The following USH2A variants were observed in gnomAD, a reference collection of about 807,000 sequenced individuals.
The protein encoded by USH2A is usherin.
A neutral mutation model predicts 538.9 loss-of-function variants in USH2A; 443 were observed. The observed-to-expected ratio is 0.82, with a 90% CI of 0.76 to 0.89. USH2A has a LOEUF of 0.89. Among genes scored for constraint, USH2A ranks in the 40% least tolerant of loss-of-function variants. USH2A has a pLI of 0.00. For synonymous variants in USH2A, 2,413 were observed against 2,273.5 expected (o/e 1.06, Z -1.75); for missense variants, 6,633 against 6,324.8 (o/e 1.05, Z -1.65).
intron 47 of USH2A, among the ~76,000 whole-genome samples, chr1:215,824,069 C>T (rs1663089420): frequency 6.6e-6 from 1 of 151,984 alleles, no homozygotes; most frequent in South Asian, 2.1e-4. Flanking sequence ...GATCCTACTT[C>T]CCTGTTTAAA....
intron 44 of USH2A, among the ~76,000 whole-genome samples, chr1:215,853,442 C>T (rs1664074789): frequency 6.6e-6 from 1 of 152,136 alleles, no homozygotes; most frequent in Admixed American, 6.5e-5. Flanking sequence ...TCTGACATGC[C>T]CTGGAGACAT....
At chr1:216,155,146 G>T (rs2033912472) in intron 21 of USH2A, among the ~76,000 whole-genome samples, 1 of 152,054 alleles carries the variant, frequency 6.6e-6, no homozygotes, top group East Asian at 1.9e-4. Context: ...GACACTGGGA[G>T]AAATTTAGTT....
chr1:216,080,767 G>A (rs2031916740), intron 26 of USH2A, among the ~76,000 whole-genome samples: 1 of 150,618 alleles, frequency 6.6e-6, no homozygotes, highest in Admixed American at 6.7e-5. Flanking sequence ...CTAGGATGAC[G>A]GTAGACATAT....
rs766466542 is a variant in USH2A at position 216,000,452 on chromosome 1, C to T, written c.6436G>A (p.Val2146Met). ...LYTAQLPPEH[V>M]DSPVLTVLDS... ...AGGACAGTCAGAACTGGGGAATCCA[C>T]GTGTTCTGGTGGCAGCTGTGCTGTG... is the stretch of plus-strand genomic sequence containing the variant. The change falls in exon 33 of 72, where the codon GTG (valine) becomes ATG (methionine). Residue 2146 changes from valine (V) to methionine (M), a missense_variant. Coordinates refer to ENST00000307340, the MANE Select transcript of USH2A (RefSeq NM_206933.4). 2.1e-5 allele frequency: 34 copies of T among 1,613,580 alleles called. No homozygotes were observed. The highest frequency in any genetic ancestry group is 1.6e-4 in the Middle Eastern group (1 of 6,082).
intron 3 of USH2A, among the ~76,000 whole-genome samples, chr1:216,406,780 C>T (rs1379576962): frequency 6.6e-6 from 1 of 152,154 alleles, no homozygotes; most frequent in Non-Finnish European, 1.5e-5. Flanking sequence ...TCAACCCAGA[C>T]ACTGAACACC....
chr1:216,320,257 C>T (rs1194553717), intron 9 of USH2A, among the ~76,000 whole-genome samples: 1 of 152,050 alleles, frequency 6.6e-6, no homozygotes, highest in African/African-American at 2.4e-5. Context: ...AAGAGGCTGG[C>T]TTCTGGCTTT....
chr1:216,034,394 A>C (rs1571905567), intron 32 of USH2A, among the ~76,000 whole-genome samples: 1 of 152,274 alleles, frequency 6.6e-6, no homozygotes, highest in East Asian at 1.9e-4. Flanking sequence ...GTGGCAAAGT[A>C]GTTGTGGAGT....
chr1:216,353,030 A>G (rs1257566298), intron 4 of USH2A, among the ~76,000 whole-genome samples: 3 of 152,054 alleles, frequency 2.0e-5, no homozygotes, highest in African/African-American at 7.2e-5. Flanking sequence ...CTCTTTGGGT[A>G]TATTTAACCT....
chr1:216,244,308 C>T (rs953817343), intron 13 of USH2A, among the ~76,000 whole-genome samples: 1 of 152,094 alleles, frequency 6.6e-6, no homozygotes, highest in South Asian at 2.1e-4. Context: ...TATCAGGAAG[C>T]AAAGCTAGGT....
chr1:216,392,735 C>T (rs1264384700), intron 3 of USH2A, among the ~76,000 whole-genome samples: 1 of 151,936 alleles, frequency 6.6e-6, no homozygotes, highest in Non-Finnish European at 1.5e-5. Flanking sequence ...ATATAATATG[C>T]ACATAAAAGC....
intron 11 of USH2A, among the ~76,000 whole-genome samples, chr1:216,274,706 T>C (rs77222604): frequency 3.1e-3 from 471 of 152,186 alleles, no homozygotes; most frequent in African/African-American, 0.011. Context: ...GTGATACTTC[T>C]GTTTATCATC....
chr1:216,399,472 T>C (rs1030047419), intron 3 of USH2A, among the ~76,000 whole-genome samples: 1 of 152,034 alleles, frequency 6.6e-6, no homozygotes, highest in East Asian at 1.9e-4. Flanking sequence ...TTTTTCCCTT[T>C]CTTGTGAATT....
chr1:216,296,148 G>GA (rs1299338270), intron 9 of USH2A, among the ~76,000 whole-genome samples: 2 of 151,858 alleles, frequency 1.3e-5, no homozygotes, highest in African/African-American at 4.8e-5. Flanking sequence ...ACAAAAAGGA[G>GA]AAAAAATAAT....
chr1:215,817,240 A>T lies in USH2A; in HGVS notation c.9372-45T>A, dbSNP rs750895245. 2.5e-6 allele frequency: 4 copies of T among 1,584,004 alleles called. No homozygotes were observed. In the African/African-American group the frequency reaches 5.4e-5, roughly 21 times the overall value. ...CAATACTTCTGAAAAGACACTATTT[A>T]ACATTGATGCTATCAGTCTTAAGTA... On this transcript the variant is annotated intron_variant, in intron 47 of 71. Coordinates refer to ENST00000307340, the MANE Select transcript of USH2A (RefSeq NM_206933.4).
intron 58 of USH2A, among the ~76,000 whole-genome samples, chr1:215,746,142 AT>A (rs1412707356): frequency 2.0e-5 from 3 of 152,144 alleles, no homozygotes; most frequent in Admixed American, 6.5e-5. Flanking sequence ...TCTATGTGAA[AT>A]TTACACATTC....
chr1:216,412,199 T>C (rs973577065), intron 3 of USH2A, among the ~76,000 whole-genome samples: 4 of 152,262 alleles, frequency 2.6e-5, no homozygotes, highest in East Asian at 1.9e-4. Flanking sequence ...AGGAGTTACA[T>C]AGTTTTCCCA....
chr1:215,977,315 C>T (rs1249775159), intron 35 of USH2A, among the ~76,000 whole-genome samples: 3 of 152,026 alleles, frequency 2.0e-5, no homozygotes, highest in Non-Finnish European at 4.4e-5. Flanking sequence ...AGCTATTTAG[C>T]ACAATAAACA....
chr1:216,061,418 C>A (rs2031177513), intron 30 of USH2A, among the ~76,000 whole-genome samples: 1 of 151,996 alleles, frequency 6.6e-6, no homozygotes, highest in African/African-American at 2.4e-5. Flanking sequence ...TTTTTATATA[C>A]ATTTAGTTTT....
Position 215,798,935 on chromosome 1 carries a change from T to C in USH2A, c.9930A>G (p.Glu3310=). The C allele has an allele frequency of 1.9e-6, 3 of 1,614,126 alleles. No individual in the cohort carries two copies. The highest frequency in any genetic ancestry group is 2.5e-6 in the Non-Finnish European group (3 of 1,179,990). Residue 3310 remains glutamate, a synonymous_variant, in exon 50 of 72, where the codon GAA becomes GAG. Transcript: ENST00000307340. The part of the protein sequence containing the change: ...VSNDLECCGG[E]EGVVYNRLPG... ...GAAGGCGATTGTACACCACTCCTTC[T>C]TCTCCACCACAACACTCTAAATCGT...
Sources: gnomAD v4.1 joint callset for allele counts (sites outside exome capture counted in the v4.1 genomes callset) on GRCh38, gnomAD v4.1.1 for gene constraint, MANE v1.5 for transcripts, NCBI Gene and HGNC (gene_info 2026-07-23, HGNC 2026-07-21) for gene names.